The following RANBP2 variants were observed in gnomAD, a reference collection of about 807,000 sequenced individuals.
RANBP2 encodes the protein RAN binding protein 2, also known as E3 SUMO-protein ligase RanBP2.
RANBP2 carries 57 observed loss-of-function variants against 303.6 expected under a neutral mutation model. That is an observed-to-expected ratio of 0.19 (90% CI 0.15 to 0.23). The LOEUF is 0.23. Ranked by LOEUF, RANBP2 falls within the 10% of genes least tolerant of loss-of-function variation. RANBP2 has a pLI of 1.00. For synonymous variants in RANBP2, 1,167 were observed against 1,301.5 expected, an observed-to-expected ratio of 0.90 and a Z score of 2.23; for missense variants, 3,138 against 3,780.8, an observed-to-expected ratio of 0.83 and a Z score of 4.46.
the RANBP2 span, among the ~76,000 whole-genome samples, chr2:109,008,906 AAAAAGAAAAG>A: frequency 6.6e-6 from 1 of 150,888 alleles, no homozygotes; most frequent in African/African-American, 2.4e-5. Context: ...CTCAAAAAAA[AAAAAGAAAAG>A]AAAAGAAAAG....
At chr2:109,033,300 A>G in the RANBP2 span, among the ~76,000 whole-genome samples, 1 of 152,164 alleles carries the variant, frequency 6.6e-6, no homozygotes, top group Non-Finnish European at 1.5e-5. Context: ...AGAGACACTG[A>G]GGTGAATGCA....
the RANBP2 span, chr2:108,930,256 G>A: frequency 6.2e-7 from 1 of 1,614,054 alleles, no homozygotes; most frequent in African/African-American, 1.3e-5. Flanking sequence ...CCAACAAAGG[G>A]GGGTGTTGTG....
the RANBP2 span, among the ~76,000 whole-genome samples, chr2:109,041,596 C>A: frequency 6.7e-6 from 1 of 148,504 alleles, no homozygotes; most frequent in South Asian, 2.1e-4. Flanking sequence ...GATCTTGGCT[C>A]ACTGCAACCT....
the RANBP2 span, among the ~76,000 whole-genome samples, chr2:109,120,466 GC>G: frequency 6.6e-6 from 1 of 152,142 alleles, no homozygotes; most frequent in African/African-American, 2.4e-5. Flanking sequence ...TCAGCCAAGT[GC>G]TCAGCCAGGT....
chr2:108,990,457 A>AAAAT, the RANBP2 span, among the ~76,000 whole-genome samples: 1 of 150,644 alleles, frequency 6.6e-6, no homozygotes. Flanking sequence ...AAAAAAAAAA[A>AAAAT]ATATACAAAA....
the RANBP2 span, among the ~76,000 whole-genome samples, chr2:108,875,074 G>A: frequency 6.6e-6 from 1 of 151,814 alleles, no homozygotes; most frequent in Non-Finnish European, 1.5e-5. Flanking sequence ...TGATGCTCAA[G>A]CAGATCTTAA....
chr2:109,055,366 C>T, the RANBP2 span, among the ~76,000 whole-genome samples: 10 of 133,438 alleles, frequency 7.5e-5, no homozygotes, highest in South Asian at 2.3e-4. Context: ...TTTTTCTTTT[C>T]TTTTTTTTTT....
the RANBP2 span, among the ~76,000 whole-genome samples, chr2:109,383,798 T>G: frequency 3.9e-5 from 6 of 152,314 alleles, no homozygotes; most frequent in East Asian, 1.2e-3. Flanking sequence ...TTTGAAGCTC[T>G]TGGGACATCA....
chr2:109,727,044 G>C, the RANBP2 span, among the ~76,000 whole-genome samples: 7 of 152,186 alleles, frequency 4.6e-5, no homozygotes, highest in Non-Finnish European at 8.8e-5. Flanking sequence ...TGGGGGTCAG[G>C]CACCATGTAC....
chr2:109,659,333 C>G, the RANBP2 span, among the ~76,000 whole-genome samples: 1 of 152,152 alleles, frequency 6.6e-6, no homozygotes, highest in Non-Finnish European at 1.5e-5. Flanking sequence ...CAAGATCACG[C>G]CATTGCACTC....
At chr2:109,420,478 C>T in the RANBP2 span, among the ~76,000 whole-genome samples, 1 of 152,140 alleles carries the variant, frequency 6.6e-6, no homozygotes, top group Non-Finnish European at 1.5e-5. Context: ...TGGAGTCTTG[C>T]TCTGTCTCCC....
the RANBP2 span, among the ~76,000 whole-genome samples, chr2:109,654,556 A>G: frequency 6.6e-6 from 1 of 152,094 alleles, no homozygotes; most frequent in Non-Finnish European, 1.5e-5. Flanking sequence ...CTAGTGCAGC[A>G]GCTGCTTATG....
the RANBP2 span, among the ~76,000 whole-genome samples, chr2:108,939,778 C>T: frequency 6.6e-6 from 1 of 152,188 alleles, no homozygotes; most frequent in East Asian, 1.9e-4. Flanking sequence ...AGCTCTTGTC[C>T]TCATTTCTTT....
the RANBP2 span, among the ~76,000 whole-genome samples, chr2:109,716,247 T>A: frequency 1.9e-3 from 285 of 151,952 alleles, no homozygotes; most frequent in African/African-American, 6.0e-3. Flanking sequence ...TTTATTTTTT[T>A]TAAAAAAAAT....
the RANBP2 span, chr2:108,989,444 CA>C: frequency 6.6e-6 from 1 of 152,466 alleles, no homozygotes; most frequent in Non-Finnish European, 1.5e-5. Flanking sequence ...TTGCTTCTAT[CA>C]GAGCCTTTAG....
At chr2:108,997,476 TA>T in the RANBP2 span, among the ~76,000 whole-genome samples, 9 of 138,392 alleles carry the variant, frequency 6.5e-5, no homozygotes, top group Non-Finnish European at 1.2e-4. Flanking sequence ...TGATGGTCAG[TA>T]AGGGTTTAGA....
chr2:109,458,345 C>A, the RANBP2 span, among the ~76,000 whole-genome samples: 4 of 152,108 alleles, frequency 2.6e-5, no homozygotes, highest in African/African-American at 2.4e-5. Context: ...TATAGGATTT[C>A]TTTGTAAGAC....
At chr2:109,277,858 T>G in the RANBP2 span, among the ~76,000 whole-genome samples, 1 of 152,172 alleles carries the variant, frequency 6.6e-6, no homozygotes. Context: ...TTGCTGTGAA[T>G]TACAAGGGCA....
the RANBP2 span, among the ~76,000 whole-genome samples, chr2:109,592,128 C>T: frequency 9.3e-4 from 142 of 152,182 alleles, no homozygotes; most frequent in South Asian, 1.7e-3. Flanking sequence ...CTCTGCCATT[C>T]ACAGGAGTTC....
Sources: allele counts gnomAD v4.1 joint callset (sites outside exome capture counted in the v4.1 genomes callset), GRCh38; gene constraint gnomAD v4.1.1; transcripts MANE v1.5; gene names NCBI Gene and HGNC (gene_info 2026-07-23, HGNC 2026-07-21).